Variants in ANO6 observed in about 807,000 individuals in gnomAD.
ANO6 encodes the protein anoctamin-6.
ANO6 carries 106 observed loss-of-function variants against 117.5 expected under a neutral mutation model. The observed-to-expected ratio is 0.90, with a 90% CI of 0.77 to 1.06. ANO6 has a LOEUF of 1.06. ANO6 is among the 50% of genes least tolerant of loss of function. ANO6 has a pLI of 0.00. For synonymous variants in ANO6, 367 were observed against 385.1 expected (o/e 0.95, Z 0.55); for missense variants, 955 against 1,121.1 (o/e 0.85, Z 2.12).
chr12:45,226,811 T>C (rs1213145295), intron 1 of ANO6, among the ~76,000 whole-genome samples: 1 of 151,838 alleles, frequency 6.6e-6, no homozygotes, highest in Non-Finnish European at 1.5e-5. Flanking sequence ...ACATTTTCTC[T>C]GCATATGAAA....
chr12:45,392,425 AGCT>A (rs1942480347), intron 12 of ANO6, among the ~76,000 whole-genome samples: 1 of 152,256 alleles, frequency 6.6e-6, no homozygotes, highest in Admixed American at 6.5e-5. Context: ...GGCAGGGCAT[AGCT>A]GAACAAAAGG....
chr12:45,348,003 C>G, intron 4 of ANO6, 25 bp from the exon 5 acceptor site: 1 of 1,608,748 alleles, frequency 6.2e-7, no homozygotes, highest in Non-Finnish European at 8.5e-7. Context: ...GTTTCTTGTT[C>G]TGCGTTTTTA....
At position 45,409,484 on chromosome 12, in the gene ANO6, A is replaced by G; in HGVS notation, c.2008A>G (p.Met670Val). Residue 670 changes from methionine to valine, a missense_variant, in exon 16 of 20, where the codon ATG becomes GTG. Transcript: ENST00000320560. ...GGGATTATTTTATGAATATCTTGAA[A>G]TGAGTAAGTTGTTAGTGAAGTTTTT... ...KLGLFYEYLE[M>V]IIQFGFVTLF... is the part of the protein sequence containing the mutation. 1 of 1,613,596 alleles carries G rather than the reference A, an allele frequency of 6.2e-7. No homozygotes were observed. Among genetic ancestry groups the G allele is most frequent in the Non-Finnish European group, 8.5e-7 (1 of 1,179,810 alleles).
At chr12:45,364,926 C>A (rs1399552647) in intron 8 of ANO6, among the ~76,000 whole-genome samples, 1 of 152,178 alleles carries the variant, frequency 6.6e-6, no homozygotes, top group African/African-American at 2.4e-5. Flanking sequence ...TTTCCCTGTT[C>A]AGGGTTTGTT....
At position 45,409,457 on chromosome 12, in the gene ANO6, C is replaced by T. The variant is rs753883394; in HGVS notation, c.1981C>T (p.Leu661=). Residue 661 remains leucine, a synonymous_variant, in exon 16 of 20, where the codon CTG becomes TTG. Coordinates refer to ENST00000320560, the MANE Select transcript of ANO6 (RefSeq NM_001025356.3). The part of the protein sequence containing the change: ...QDYHLQPMGK[L]GLFYEYLEMI... ...CTACCATCTGCAGCCTATGGGCAAACTGGGATTATTTTATGAATATCTTGA... is the reference window on the plus strand; with the variant it reads ...CTACCATCTGCAGCCTATGGGCAAATTGGGATTATTTTATGAATATCTTGA... 4 of 1,613,912 alleles carry T rather than the reference C, an allele frequency of 2.5e-6. No homozygotes were observed. In the South Asian group the frequency reaches 4.4e-5, roughly 18 times the overall value.
intron 1 of ANO6, among the ~76,000 whole-genome samples, chr12:45,231,841 G>C (rs1405953845): frequency 2.0e-5 from 3 of 151,858 alleles, no homozygotes; most frequent in Non-Finnish European, 2.9e-5. Flanking sequence ...ACAGCAAAAG[G>C]CTTTTGAGCC....
chr12:45,314,088 G>A (rs545607985), intron 2 of ANO6, among the ~76,000 whole-genome samples: 21 of 152,116 alleles, frequency 1.4e-4, no homozygotes, highest in African/African-American at 4.8e-4. Context: ...CTATAAGGCA[G>A]TGTGTACTGT....
chr12:45,253,996 G>A (rs11182943), intron 1 of ANO6, among the ~76,000 whole-genome samples: 9,004 of 152,148 alleles, frequency 0.059, 488 homozygotes, highest in East Asian at 0.3. Flanking sequence ...GTGAAACCCC[G>A]TCTGTATTAA....
intron 2 of ANO6, among the ~76,000 whole-genome samples, chr12:45,312,208 C>G (rs1939871087): frequency 6.6e-6 from 1 of 151,980 alleles, no homozygotes. Flanking sequence ...CAGTATTTAC[C>G]ATGGAACTCA....
intron 1 of ANO6, among the ~76,000 whole-genome samples, chr12:45,246,061 G>C (rs1947820904): frequency 2.0e-5 from 3 of 152,116 alleles, no homozygotes; most frequent in African/African-American, 7.2e-5. Flanking sequence ...AATATCAGGA[G>C]AGAAATTAGC....
intron 1 of ANO6, among the ~76,000 whole-genome samples, chr12:45,250,178 A>G (rs572873653): frequency 1.3e-4 from 20 of 152,332 alleles, no homozygotes; most frequent in African/African-American, 4.8e-4. Context: ...AAAAAGTAAC[A>G]GCGGCGTTTA....
At chr12:45,378,287 C>G (rs1416049413) in intron 10 of ANO6, among the ~76,000 whole-genome samples, 174 bp downstream of exon 10, 1 of 152,074 alleles carries the variant, frequency 6.6e-6, no homozygotes, top group Non-Finnish European at 1.5e-5. Context: ...TTAAAATCTG[C>G]ATCAAAATAT....
chr12:45,254,496 C>G (rs1009037883), intron 1 of ANO6, among the ~76,000 whole-genome samples: 1 of 152,184 alleles, frequency 6.6e-6, no homozygotes, highest in Admixed American at 6.5e-5. Context: ...CTGCAGAGCA[C>G]TGGATGGTTT....
chr12:45,425,541 T>C (rs1322482732), intron 19 of ANO6, among the ~76,000 whole-genome samples: 1 of 152,174 alleles, frequency 6.6e-6, no homozygotes, highest in Non-Finnish European at 1.5e-5. Flanking sequence ...GGGAGTAAGC[T>C]TTTCAACAGT....
intron 10 of ANO6, among the ~76,000 whole-genome samples, chr12:45,385,560 C>T (rs1942276010): frequency 6.6e-6 from 1 of 152,232 alleles, no homozygotes; most frequent in South Asian, 2.1e-4. Flanking sequence ...TTCCTCCCAA[C>T]AGGGTCTCTT....
At chr12:45,366,379 G>C (rs922847369) in intron 8 of ANO6, among the ~76,000 whole-genome samples, 1 of 151,562 alleles carries the variant, frequency 6.6e-6, no homozygotes, top group African/African-American at 2.4e-5. Context: ...AAGTTGGTAC[G>C]TTGGCATTCT....
chr12:45,347,959 A>G, intron 4 of ANO6, 69 bp from the exon 5 acceptor site: 1 of 1,484,876 alleles, frequency 6.7e-7, no homozygotes, highest in South Asian at 1.1e-5. Flanking sequence ...AACATAAGAA[A>G]AATCTATGTG....
intron 1 of ANO6, among the ~76,000 whole-genome samples, chr12:45,276,788 C>G (rs1011932017): frequency 4.6e-5 from 7 of 152,132 alleles, no homozygotes; most frequent in Non-Finnish European, 7.4e-5. Flanking sequence ...AACAGTGATT[C>G]TTACGTTTAT....
At chr12:45,428,077 CAT>C (rs550514932) in intron 19 of ANO6, among the ~76,000 whole-genome samples, 53 of 151,996 alleles carry the variant, frequency 3.5e-4, no homozygotes, top group African/African-American at 1.2e-3. Flanking sequence ...ATTCACATGA[CAT>C]AGAGTCTCAG....
Sources: gnomAD v4.1 joint callset for allele counts (sites outside exome capture counted in the v4.1 genomes callset) on GRCh38, gnomAD v4.1.1 for gene constraint, MANE v1.5 for transcripts, NCBI Gene and HGNC (gene_info 2026-07-23, HGNC 2026-07-21) for gene names.